The following COL22A1 variants were observed in gnomAD, a reference collection of about 807,000 sequenced individuals.
COL22A1 encodes the protein collagen alpha-1(XXII) chain.
In COL22A1, 221 loss-of-function variants were observed where a neutral mutation model predicts 248.9. The observed-to-expected ratio is 0.89, with a 90% CI of 0.80 to 0.99. COL22A1 has a LOEUF of 0.99. Ranked by LOEUF, COL22A1 falls within the 50% of genes least tolerant of loss-of-function variation. COL22A1 has a pLI of 0.00. For missense variants in COL22A1, 2,240 were observed against 2,179.0 expected (o/e 1.03, Z -0.56); for synonymous variants, 891 against 793.4 (o/e 1.12, Z -2.07).
At chr8:138,677,589 A>G (rs1825665365) in intron 40 of COL22A1, among the ~76,000 whole-genome samples, 1 of 151,444 alleles carries the variant, frequency 6.6e-6, no homozygotes, top group Admixed American at 6.6e-5. Flanking sequence ...GCAAAACCTG[A>G]CTTGTGCTAT....
intron 30 of COL22A1, among the ~76,000 whole-genome samples, chr8:138,704,588 A>G (rs1828253536): frequency 1.3e-5 from 2 of 152,244 alleles, no homozygotes; most frequent in African/African-American, 4.8e-5. Flanking sequence ...GAAAACTAAC[A>G]AACAGAAAGG....
Position 138,685,327 on chromosome 8 carries a change from A to G in COL22A1, c.2863-15T>C, listed in dbSNP as rs767389231. ...CCCGCTGCACCCTGGAAAGAAAAGT[A>G]GACATTTCCCAGGGTCAATTACACT... is the stretch of plus-strand genomic sequence containing the variant. On this transcript the variant is annotated splice_polypyrimidine_tract_variant and intron_variant, in intron 37 of 64. Transcript: ENST00000303045. 11 of 1,606,772 alleles carry G rather than the reference A, an allele frequency of 6.8e-6. No individual in the cohort carries two copies. The highest frequency in any genetic ancestry group is 9.4e-6 in the Non-Finnish European group (11 of 1,173,752).
At chr8:138,674,650 C>T (rs1053616107) in intron 41 of COL22A1, among the ~76,000 whole-genome samples, 3 of 152,130 alleles carry the variant, frequency 2.0e-5, no homozygotes, top group African/African-American at 7.2e-5. Flanking sequence ...ATTGTGTCCG[C>T]CTCCACAGCC....
chr8:138,725,297 CA>C, intron 24 of COL22A1, 89 bp downstream of exon 24: 1 of 1,317,892 alleles, frequency 7.6e-7, no homozygotes, highest in East Asian at 2.3e-5. Flanking sequence ...GGATAAAAGA[CA>C]AGAGGCCATT....
rs562033633 is a variant in COL22A1, at chr8:138,832,026, G to A, written c.845+1013C>T. Among the ~76,000 whole-genome samples the A allele has an allele frequency of 1.1e-4, 16 of 152,126 alleles. No homozygotes were observed. The South Asian group carries it at 2.7e-3, about 26-fold the overall frequency. Reference sequence around the variant, plus strand: ...TAAAACAGCTTGCAGTAAAGGAGCCGGCCAAAACCCACCAAAACCAAAATG... The same window carrying A: ...TAAAACAGCTTGCAGTAAAGGAGCCAGCCAAAACCCACCAAAACCAAAATG... On this transcript the variant is annotated intron_variant, in intron 5 of 64. Transcript: ENST00000303045.
chr8:138,642,027 A>T (rs1821756954), intron 47 of COL22A1, among the ~76,000 whole-genome samples: 1 of 152,218 alleles, frequency 6.6e-6, no homozygotes, highest in Non-Finnish European at 1.5e-5. Context: ...CAGAGGACAC[A>T]TTTAACCCTT....
At chr8:138,676,063 C>T (rs1384438527) in intron 41 of COL22A1, among the ~76,000 whole-genome samples, 1 of 152,054 alleles carries the variant, frequency 6.6e-6, no homozygotes, top group Non-Finnish European at 1.5e-5. Flanking sequence ...AAAGCTATCA[C>T]CCCTAGTGAG....
At chr8:138,686,518 G>C (rs967487437) in intron 37 of COL22A1, among the ~76,000 whole-genome samples, 2 of 152,372 alleles carry the variant, frequency 1.3e-5, no homozygotes, top group African/African-American at 4.8e-5. Context: ...GCCTGGAGCA[G>C]GATCAGCTTC....
At chr8:138,736,288 G>A (rs759882532) in intron 23 of COL22A1, among the ~76,000 whole-genome samples, 2 of 151,878 alleles carry the variant, frequency 1.3e-5, no homozygotes, top group Non-Finnish European at 2.9e-5. Flanking sequence ...GCTTTGGTGG[G>A]TGGGGGGCTC....
rs181721913 is a variant in COL22A1 at position 138,763,637 on chromosome 8, T to A, written c.1804-1171A>T. ...ACTCCAAATGGTGGGTTCAGGCTCA[T>A]CTGAACAGTCTCCCACCTGCACCCC... On this transcript the variant is annotated intron_variant, in intron 16 of 64. Coordinates refer to ENST00000303045, the MANE Select transcript of COL22A1 (RefSeq NM_152888.3). 5.3e-5 allele frequency among the ~76,000 whole-genome samples: 8 copies of A among 152,240 alleles called. No individual in the cohort carries two copies. The South Asian group carries it at 8.3e-4, about 16-fold the overall frequency.
chr8:138,693,429 C>T (rs867372669), intron 35 of COL22A1, among the ~76,000 whole-genome samples: 14 of 152,160 alleles, frequency 9.2e-5, no homozygotes, highest in Admixed American at 1.3e-4. Flanking sequence ...TTCTTTCATT[C>T]GCTGGGCATG....
In COL22A1 at chr8:138,599,041, G is replaced by A. The variant is rs983935328; in HGVS notation, c.4186-143C>T. ...CTGGGTGGCCCATGTGTGGCTTGGGGTGAGAAGAGCCCCAGAATCCATCAC... is the reference window on the plus strand; with the variant it reads ...CTGGGTGGCCCATGTGTGGCTTGGGATGAGAAGAGCCCCAGAATCCATCAC... On this transcript the variant is annotated intron_variant, in intron 60 of 64. Coordinates refer to ENST00000303045, the MANE Select transcript of COL22A1 (RefSeq NM_152888.3). The A allele has an allele frequency of 2.0e-5, 15 of 762,276 alleles. 1 individual carries two copies. Among genetic ancestry groups the A allele is most frequent in the East Asian group, 5.4e-5 (2 of 37,358 alleles). 47.2% of individuals were successfully genotyped at this position (762,276 alleles called of 1,614,324 possible).
At chr8:138,878,467 G>C (rs1823922239) in intron 2 of COL22A1, 151 bp from the exon 3 acceptor site, 10 of 622,366 alleles carry the variant, frequency 1.6e-5, no homozygotes, top group Non-Finnish European at 2.6e-5. Context: ...TGCCTGAAAG[G>C]CCTGAGCCTC....
At chr8:138,646,954 C>T (rs1822255611) in intron 46 of COL22A1, among the ~76,000 whole-genome samples, 1 of 152,160 alleles carries the variant, frequency 6.6e-6, no homozygotes, top group Non-Finnish European at 1.5e-5. Context: ...CCCATATTTG[C>T]AACCTGGAGC....
intron 45 of COL22A1, among the ~76,000 whole-genome samples, chr8:138,652,105 C>T (rs1185102099): frequency 2.0e-5 from 3 of 152,234 alleles, no homozygotes; most frequent in Non-Finnish European, 4.4e-5. Context: ...CTCACCTTGG[C>T]TCCAGAGCTC....
intron 2 of COL22A1, among the ~76,000 whole-genome samples, chr8:138,878,674 G>A (rs908443395): frequency 2.0e-5 from 3 of 152,104 alleles, no homozygotes; most frequent in Non-Finnish European, 2.9e-5. Flanking sequence ...AATAATGTAT[G>A]CCCATTTCCA....
At chr8:138,608,360 T>C (rs1288600524) in intron 56 of COL22A1, among the ~76,000 whole-genome samples, 1 of 152,184 alleles carries the variant, frequency 6.6e-6, no homozygotes, top group African/African-American at 2.4e-5. Flanking sequence ...CAACCCAGCT[T>C]ACACATAATT....
At chr8:138,650,764 C>T (rs1822652327) in intron 45 of COL22A1, among the ~76,000 whole-genome samples, 1 of 152,132 alleles carries the variant, frequency 6.6e-6, no homozygotes. Flanking sequence ...AATGCCCACA[C>T]ATTTAGCCAT....
At chr8:138,846,910 G>C (rs538878480) in intron 3 of COL22A1, among the ~76,000 whole-genome samples, 1 of 152,338 alleles carries the variant, frequency 6.6e-6, no homozygotes, top group South Asian at 2.1e-4. Context: ...AACAGGAACA[G>C]ACTCCAAACA....
Sources: allele counts gnomAD v4.1 joint callset (sites outside exome capture counted in the v4.1 genomes callset), GRCh38; gene constraint gnomAD v4.1.1; transcripts MANE v1.5; gene names NCBI Gene and HGNC (gene_info 2026-07-23, HGNC 2026-07-21).